Variants in CENPU observed in about 807,000 individuals in gnomAD.
CENPU encodes the protein KSHV latent nuclear antigen interacting protein 1.
In CENPU, 46 loss-of-function variants were observed where a neutral mutation model predicts 56.7. The observed-to-expected ratio is 0.81, with a 90% confidence interval of 0.64 to 1.04. The LOEUF (loss-of-function observed/expected upper bound fraction) is 1.04, where lower values mean the gene tolerates loss of function less well. CENPU is among the 50% of genes least tolerant of loss of function. CENPU has a pLI of 0.00. For synonymous variants in CENPU, 166 were observed against 163.0 expected (o/e 1.02, Z -0.14); for missense variants, 510 against 490.1 (o/e 1.04, Z -0.38).
chr4:184,724,724 C>A (rs1305656300), intron 4 of CENPU, among the ~76,000 whole-genome samples: 2 of 152,180 alleles, frequency 1.3e-5, no homozygotes, highest in South Asian at 2.1e-4. Flanking sequence ...AAACTATCTT[C>A]CCAGGCATGA....
chr4:184,724,455 T>C (rs1211036341), intron 4 of CENPU, among the ~76,000 whole-genome samples: 1 of 152,244 alleles, frequency 6.6e-6, no homozygotes, highest in Non-Finnish European at 1.5e-5. Flanking sequence ...TCCCAAGTTT[T>C]CTCTATGAAA....
chr4:184,713,714 T>C (rs191615289), intron 6 of CENPU, among the ~76,000 whole-genome samples: 110 of 152,184 alleles, frequency 7.2e-4, no homozygotes, highest in Middle Eastern at 6.8e-3. Flanking sequence ...CACTGGACAG[T>C]AGGCAACACA....
intron 1 of CENPU, 101 bp downstream of exon 1, chr4:184,733,915 A>T (rs948244694): frequency 3.4e-5 from 51 of 1,511,578 alleles, no homozygotes; most frequent in Non-Finnish European, 4.5e-5. Context: ...CGACCTCCAC[A>T]GTGGAGCACC....
intron 1 of CENPU, 69 bp downstream of exon 1, chr4:184,733,947 C>A: frequency 2.5e-6 from 4 of 1,602,946 alleles, no homozygotes; most frequent in Non-Finnish European, 3.4e-6. Context: ...GAGGCGCAAA[C>A]CACGGCAGGC....
intron 8 of CENPU, among the ~76,000 whole-genome samples, chr4:184,708,501 G>A (rs979829835): frequency 2.0e-5 from 3 of 151,384 alleles, no homozygotes; most frequent in Non-Finnish European, 4.4e-5. Flanking sequence ...GAATGAAAAG[G>A]TCAGACTCAA....
At chr4:184,702,536 G>T in intron 8 of CENPU, 95 bp from the exon 9 acceptor site, 5 of 735,696 alleles carry the variant, frequency 6.8e-6, no homozygotes, top group Admixed American at 6.4e-5. Context: ...CATACAATTT[G>T]GCATATACCT....
At chr4:184,704,995 C>T (rs559562467) in intron 8 of CENPU, among the ~76,000 whole-genome samples, 2 of 152,284 alleles carry the variant, frequency 1.3e-5, no homozygotes, top group Non-Finnish European at 2.9e-5. Flanking sequence ...TAAGATCATA[C>T]ACCGTGGAAA....
chr4:184,713,003 T>C lies in CENPU; in HGVS notation c.629A>G (p.Lys210Arg), dbSNP rs755499591. 2 of 1,575,146 alleles carry C rather than the reference T, an allele frequency of 1.3e-6. No homozygotes were observed. The highest frequency in any genetic ancestry group is 3.6e-5 in the Admixed American group (2 of 55,920). ...TTTGTCATGAGATATCTTCCCTTTT[T>C]TCTGAGTTTTCTACAAAAAAAAAAA... ...LAIESQSKTQ[K>R]KGKISHDKRK... The change falls in exon 7 of 13, where the codon AAA (lysine) becomes AGA (arginine). Residue 210 changes from lysine to arginine, a missense_variant. Lys to Arg is a conservative substitution (Grantham distance 26, BLOSUM62 2). Coordinates refer to ENST00000281453, the MANE Select transcript of CENPU (RefSeq NM_024629.4).
In CENPU at chr4:184,717,127, C is replaced by A; in HGVS notation, c.381+9G>T. The A allele has an allele frequency of 6.3e-7, 1 of 1,589,854 alleles. No individual in the cohort carries two copies. Among genetic ancestry groups the A allele is most frequent in the Non-Finnish European group, 8.6e-7 (1 of 1,160,356 alleles). The stretch of plus-strand genomic sequence containing the variant: ...AAATTAAAGTAGAAGAGTGAATACT[C>A]CTACATACCTTTTTTGCACTAATTT... On this transcript the variant is annotated intron_variant, in intron 5 of 12. Coordinates refer to ENST00000281453, the MANE Select transcript of CENPU (RefSeq NM_024629.4).
At position 184,702,633 on chromosome 4, in the gene CENPU, A is replaced by G. The variant is rs1760574486; in HGVS notation, c.798-192T>C. 2.0e-5 allele frequency among the ~76,000 whole-genome samples: 3 copies of G among 152,148 alleles called. No individual in the cohort carries two copies. In the South Asian group the frequency reaches 6.2e-4, roughly 32 times the overall value. ...GGGGTTTGTTATATGGGCATACTGC[A>G]TGACACTGACGTTTGGGGTACAACT... On this transcript the variant is annotated intron_variant, in intron 8 of 12. Transcript: ENST00000281453.
Position 184,709,122 on chromosome 4 carries a change from G to C in CENPU, c.797+950C>G, listed in dbSNP as rs77402846. ...GTTGAAATTCAAAGACTGATACACT[G>C]TATTTAAAAAGACTAATAAGGAAAT... On this transcript the variant is annotated intron_variant, in intron 8 of 12. Coordinates refer to ENST00000281453, the MANE Select transcript of CENPU (RefSeq NM_024629.4). Among the ~76,000 whole-genome samples, 1,104 of 152,192 alleles carry C rather than the reference G, an allele frequency of 7.3e-3. 15 individuals are homozygous for C. Among genetic ancestry groups the C allele is most frequent in the African/African-American group, 0.025 (1,047 of 41,486 alleles).
chr4:184,721,614 G>C (rs113007822), intron 4 of CENPU, among the ~76,000 whole-genome samples: 10,168 of 149,060 alleles, frequency 0.068, 454 homozygotes, highest in Middle Eastern at 0.093. Flanking sequence ...ACTTATTTCA[G>C]ACAAACTAGA....
At chr4:184,730,887 T>C (rs549062094) in intron 2 of CENPU, 33 bp downstream of exon 2, 2 of 1,548,524 alleles carry the variant, frequency 1.3e-6, no homozygotes, top group South Asian at 2.5e-5. Context: ...ACTGTCAATT[T>C]TGAGAAAACC....
Position 184,697,977 on chromosome 4 carries a change from A to G in CENPU, c.987-174T>C, listed in dbSNP as rs1304076711. 4 of 549,490 alleles carry G rather than the reference A, an allele frequency of 7.3e-6. No homozygotes were observed. In the East Asian group the frequency reaches 1.2e-4, roughly 17 times the overall value. 34.0% of individuals were successfully genotyped at this position (549,490 alleles called of 1,614,324 possible). A position where few individuals can be genotyped will look rare whatever the true frequency, so the allele number is the denominator to read the frequency against. ...TCTGGGTTTCAGTTTAAAATGTAGG[A>G]AAAAAAATCTCTGAAATACAATGCA... On this transcript the variant is annotated intron_variant, in intron 11 of 12. Transcript: ENST00000281453.
rs534387563 is a variant in CENPU at position 184,694,461 on chromosome 4, C to G, written c.*827G>C. 191 of 1,562,048 alleles carry G rather than the reference C, an allele frequency of 1.2e-4. 1 individual carries two copies. The East Asian group carries it at 4.3e-3, about 35-fold the overall frequency. The stretch of plus-strand genomic sequence containing the variant: ...TTCAACATAGAGTATAAGGTTAAAT[C>G]ACATATCCTGAGTAAATATTTTCCT... On this transcript the variant is annotated 3_prime_UTR_variant, in exon 13 of 13. Transcript: ENST00000281453.
chr4:184,724,862 C>A, intron 4 of CENPU, 95 bp downstream of exon 4: 1 of 795,536 alleles, frequency 1.3e-6, no homozygotes, highest in Non-Finnish European at 2.0e-6. Flanking sequence ...CTCAAAGGAT[C>A]TTGAAATGCT....
At chr4:184,733,535 A>G (rs1185810785) in intron 1 of CENPU, 4 of 436,070 alleles carry the variant, frequency 9.2e-6, no homozygotes, top group Non-Finnish European at 9.3e-6. Context: ...ATCCTGGAGA[A>G]CCGCAAGCGG....
intron 1 of CENPU, among the ~76,000 whole-genome samples, chr4:184,732,281 G>C (rs932129976): frequency 6.6e-6 from 1 of 152,084 alleles, no homozygotes; most frequent in Non-Finnish European, 1.5e-5. Context: ...GTTCAGAGCG[G>C]TGGTTCCCAG....
At chr4:184,710,362 T>C (rs1760881458) in intron 7 of CENPU, 182 bp from the exon 8 acceptor site, 2 of 413,356 alleles carry the variant, frequency 4.8e-6, no homozygotes, top group African/African-American at 2.0e-5. Context: ...AACCCCTACA[T>C]ACACTTTCAC....
Sources: allele counts gnomAD v4.1 joint callset (sites outside exome capture counted in the v4.1 genomes callset), GRCh38; gene constraint gnomAD v4.1.1; transcripts MANE v1.5; gene names NCBI Gene and HGNC (gene_info 2026-07-23, HGNC 2026-07-21).